Variants in CNTN5 observed in about 807,000 individuals in gnomAD.
CNTN5 encodes contactin-5.
In CNTN5, 77 loss-of-function variants were observed where a neutral mutation model predicts 129.1. That is an observed-to-expected ratio of 0.60 (90% CI 0.50 to 0.72). CNTN5 has a LOEUF of 0.72. CNTN5 is among the 30% of genes least tolerant of loss of function. The pLI is 0.00. For synonymous variants in CNTN5, 509 were observed against 465.6 expected, an observed-to-expected ratio of 1.09 and a Z score of -1.20; for missense variants, 1,478 against 1,328.8, an observed-to-expected ratio of 1.11 and a Z score of -1.75.
At chr11:99,073,153 T>C (rs1198143929) in intron 1 of CNTN5, among the ~76,000 whole-genome samples, 1 of 152,186 alleles carries the variant, frequency 6.6e-6, no homozygotes, top group African/African-American at 2.4e-5. Flanking sequence ...ATTTAGGTTG[T>C]TGATAGCTTT....
At chr11:99,595,700 C>T (rs1343471440) in intron 3 of CNTN5, among the ~76,000 whole-genome samples, 1 of 151,936 alleles carries the variant, frequency 6.6e-6, no homozygotes, top group African/African-American at 2.4e-5. Flanking sequence ...AGGCTTTGTC[C>T]TCGATGTATG....
chr11:99,785,522 A>G (rs1945488380), intron 3 of CNTN5, among the ~76,000 whole-genome samples: 1 of 151,908 alleles, frequency 6.6e-6, no homozygotes, highest in African/African-American at 2.4e-5. Flanking sequence ...TCCTTATACC[A>G]AAACCTAGCA....
At position 100,001,238 on chromosome 11, in the gene CNTN5, G is replaced by A. The variant is rs570302110; in HGVS notation, c.878-796G>A. The stretch of plus-strand genomic sequence containing the variant: ...GAAGGAGAAGCAAGGCATGTCTTAC[G>A]TGGTGGCAGAAGAGACGAGAGAGAA... On this transcript the variant is annotated intron_variant, in intron 8 of 24. Transcript: ENST00000524871. Among the ~76,000 whole-genome samples the A allele has an allele frequency of 2.9e-4, 44 of 152,248 alleles. 1 individual carries two copies. The South Asian group carries it at 7.3e-3, about 25-fold the overall frequency.
intron 13 of CNTN5, among the ~76,000 whole-genome samples, chr11:100,168,041 G>C (rs1417948484): frequency 6.6e-6 from 1 of 151,878 alleles, no homozygotes; most frequent in African/African-American, 2.4e-5. Context: ...CTCTAGAGCA[G>C]AGCCTTAATC....
rs147157027 is a variant in CNTN5 at position 100,092,782 on chromosome 11, C to T, written c.1580+18488C>T. Among the ~76,000 whole-genome samples the T allele has an allele frequency of 6.5e-4, 95 of 147,156 alleles. 1 individual carries two copies. The East Asian group carries it at 0.017, about 26-fold the overall frequency. On this transcript the variant is annotated intron_variant, in intron 13 of 24. Transcript: ENST00000524871. ...TTGCGCATATGTGTGTGCTGGGAGG[C>T]GGAGGTGGGGTGCAGTATGCTTGCA...
intron 1 of CNTN5, among the ~76,000 whole-genome samples, chr11:99,238,541 G>A (rs1861389637): frequency 1.3e-5 from 2 of 152,238 alleles, no homozygotes; most frequent in South Asian, 4.1e-4. Flanking sequence ...GCTTCGTTAA[G>A]TAAAAATTTC....
At chr11:99,642,349 T>G (rs564694239) in intron 3 of CNTN5, among the ~76,000 whole-genome samples, 31 of 152,330 alleles carry the variant, frequency 2.0e-4, no homozygotes, top group African/African-American at 7.5e-4. Flanking sequence ...AATTTTTAAT[T>G]CTTAATATCT....
intron 1 of CNTN5, among the ~76,000 whole-genome samples, chr11:99,290,370 G>GA (rs1222052224): frequency 6.6e-6 from 1 of 151,572 alleles, no homozygotes; most frequent in Non-Finnish European, 1.5e-5. Flanking sequence ...TATATGACCA[G>GA]AAAAAAAGCC....
At chr11:99,039,046 T>A (rs1419325950) in intron 1 of CNTN5, among the ~76,000 whole-genome samples, 2 of 152,044 alleles carry the variant, frequency 1.3e-5, no homozygotes. Context: ...ATAAGAGGAG[T>A]AAATAATTGA....
intron 3 of CNTN5, among the ~76,000 whole-genome samples, chr11:99,808,542 G>T (rs1946338123): frequency 6.6e-6 from 1 of 152,250 alleles, no homozygotes; most frequent in East Asian, 1.9e-4. Context: ...TCAGTAACCT[G>T]TAATTCCTAG....
Position 99,128,854 on chromosome 11 carries a change from AG to A in CNTN5, c.-210+107585del, listed in dbSNP as rs553731913. Among the ~76,000 whole-genome samples, 33 of 152,336 alleles carry A rather than the reference AG, an allele frequency of 2.2e-4. No homozygotes were observed. In the East Asian group the frequency reaches 5.4e-3, roughly 25 times the overall value. ...CTGGAGTAGACCCCCAGCACACTGCAGCAGACCTGCAGAGGAGGACCGTGAC... is the reference window on the plus strand; with the variant it reads ...CTGGAGTAGACCCCCAGCACACTGCACAGACCTGCAGAGGAGGACCGTGAC... On this transcript the variant is annotated intron_variant, in intron 1 of 24. Transcript: ENST00000524871.
chr11:99,608,302 C>T (rs144317540), intron 3 of CNTN5, among the ~76,000 whole-genome samples: 3 of 152,226 alleles, frequency 2.0e-5, no homozygotes, highest in Non-Finnish European at 4.4e-5. Flanking sequence ...ACCTTGTTTG[C>T]TTGCCCAGGA....
At chr11:99,075,011 G>A (rs1430435500) in intron 1 of CNTN5, among the ~76,000 whole-genome samples, 1 of 152,142 alleles carries the variant, frequency 6.6e-6, no homozygotes. Context: ...CAAAAAATCA[G>A]ATACTCTGTA....
intron 3 of CNTN5, among the ~76,000 whole-genome samples, chr11:99,623,460 TAGG>T (rs1309722224): frequency 4.6e-5 from 7 of 152,094 alleles, no homozygotes. Context: ...CTTACATTCT[TAGG>T]AGGTAGCATC....
intron 15 of CNTN5, among the ~76,000 whole-genome samples, chr11:100,222,657 A>T (rs1046269460): frequency 4.8e-5 from 7 of 145,366 alleles, no homozygotes; most frequent in African/African-American, 1.1e-4. Context: ...GCAAGCAAAT[A>T]AAAAAAAAAG....
intron 3 of CNTN5, among the ~76,000 whole-genome samples, chr11:99,730,612 G>T (rs527417379): frequency 6.2e-4 from 95 of 152,164 alleles, no homozygotes; most frequent in African/African-American, 2.2e-3. Context: ...ATTGATAAAT[G>T]GTTATATTAT....
At chr11:99,984,281 A>G (rs557609715) in intron 8 of CNTN5, among the ~76,000 whole-genome samples, 46 of 152,114 alleles carry the variant, frequency 3.0e-4, no homozygotes, top group African/African-American at 1.1e-3. Flanking sequence ...TCACAAAAAA[A>G]GAGAGAAAGA....
At chr11:99,608,225 G>T (rs1402850041) in intron 3 of CNTN5, among the ~76,000 whole-genome samples, 1 of 151,872 alleles carries the variant, frequency 6.6e-6, no homozygotes, top group Non-Finnish European at 1.5e-5. Flanking sequence ...AATATGTGTT[G>T]TCCCATCTAT....
chr11:99,241,090 G>A (rs2135757336), intron 1 of CNTN5, among the ~76,000 whole-genome samples: 1 of 152,222 alleles, frequency 6.6e-6, no homozygotes. Flanking sequence ...ATTATAACCT[G>A]TCTGTAGTAG....
Sources: allele counts gnomAD v4.1 joint callset (sites outside exome capture counted in the v4.1 genomes callset), GRCh38; gene constraint gnomAD v4.1.1; transcripts MANE v1.5; gene names NCBI Gene and HGNC (gene_info 2026-07-23, HGNC 2026-07-21).